PTBP3: variants seen among roughly 807,000 people sequenced by gnomAD.
The protein encoded by PTBP3 is polypyrimidine tract-binding protein 3.
PTBP3 carries 20 observed loss-of-function variants against 58.7 expected under a neutral mutation model. That is an observed-to-expected ratio of 0.34 (90% confidence interval 0.24 to 0.50). The LOEUF (loss-of-function observed/expected upper bound fraction) is 0.50. Ranked by LOEUF, PTBP3 falls within the 20% of genes least tolerant of loss-of-function variation. PTBP3 has a pLI of 0.98. For missense variants in PTBP3, 509 were observed against 637.2 expected (o/e 0.80, Z 2.17); for synonymous variants, 185 against 219.8 (o/e 0.84, Z 1.40).
the PTBP3 span, among the ~76,000 whole-genome samples, chr9:112,342,573 G>A: frequency 1.3e-5 from 2 of 152,002 alleles, no homozygotes; most frequent in African/African-American, 2.4e-5. Context: ...AAAAGTAGTC[G>A]AGCATGGTGG....
Position 112,290,705 on chromosome 9 carries a change from T to TACACACACACAC in PTBP3, c.34+7126_34+7127insGTGTGTGTGTGT, listed in dbSNP as rs1418787518. 7.3e-3 allele frequency among the ~76,000 whole-genome samples: 529 copies of TACACACACACAC among 72,938 alleles called. 5 individuals carry two copies. The highest frequency in any genetic ancestry group is 0.02 in the African/African-American group (435 of 21,274). The allele number at this position is 72,938 out of a possible 152,430, so 47.9% of individuals were successfully genotyped here. A position where few individuals can be genotyped will look rare whatever the true frequency, so the allele number is the denominator to read the frequency against. On this transcript the variant is annotated intron_variant, in intron 2 of 13. Coordinates refer to ENST00000374257, the MANE Select transcript of PTBP3 (RefSeq NM_001163788.4). Reference sequence around the variant, plus strand: ...AAAAAAAAATATATATATATATATATATACACACACACACACACACACACA... The same window carrying TACACACACACAC: ...AAAAAAAAATATATATATATATATATACACACACACACATACACACACACACACACACACACA...
chr9:112,232,686 G>A (rs535252189), intron 8 of PTBP3, among the ~76,000 whole-genome samples: 3 of 152,244 alleles, frequency 2.0e-5, no homozygotes, highest in African/African-American at 7.2e-5. Context: ...AGTGCTATAT[G>A]ACATTTTATA....
intron 1 of PTBP3, among the ~76,000 whole-genome samples, chr9:112,321,133 C>T (rs556610135): frequency 6.6e-6 from 1 of 152,186 alleles, no homozygotes; most frequent in South Asian, 2.1e-4. Flanking sequence ...CTTATATTCA[C>T]AATATATAAA....
chr9:112,271,884 T>C (rs1827400930), intron 3 of PTBP3, among the ~76,000 whole-genome samples: 1 of 152,216 alleles, frequency 6.6e-6, no homozygotes, highest in South Asian at 2.1e-4. Context: ...ATTTAAGTCA[T>C]TCAAGTGATT....
intron 9 of PTBP3, among the ~76,000 whole-genome samples, 177 bp downstream of exon 9, chr9:112,231,907 AAGAAAAGAAGAGAAG>A (rs1344937725): frequency 5.3e-4 from 69 of 129,938 alleles, no homozygotes; most frequent in African/African-American, 2.0e-3. Flanking sequence ...CCTTTCTGAA[AAGAAAAGAAGAGAAG>A]AGAAGAGAAG....
At position 112,253,811 on chromosome 9, in the gene PTBP3, C is replaced by A. The variant is rs564614092; in HGVS notation, c.517-1023G>T. The stretch of plus-strand genomic sequence containing the variant: ...AAGGTCCTGGCTTCCCCTTCGCCTT[C>A]TGCCATGACTGTAAGTTTCCTGAAG... On this transcript the variant is annotated intron_variant, in intron 5 of 13. Coordinates refer to ENST00000374257, the MANE Select transcript of PTBP3 (RefSeq NM_001163788.4). Among the ~76,000 whole-genome samples, 6 of 152,286 alleles carry A rather than the reference C, an allele frequency of 3.9e-5. No individual in the cohort carries two copies. The South Asian group carries it at 1.0e-3, about 26-fold the overall frequency.
chr9:112,335,936 C>T (rs544329123), upstream of PTBP3, among the ~76,000 whole-genome samples: 6 of 150,030 alleles, frequency 4.0e-5, no homozygotes, highest in Admixed American at 1.3e-4. Flanking sequence ...TGCAGTGGCA[C>T]AATCTCGGCT....
intron 1 of PTBP3, among the ~76,000 whole-genome samples, chr9:112,306,498 T>C (rs1192742110): frequency 6.0e-5 from 9 of 151,256 alleles, no homozygotes; most frequent in African/African-American, 1.5e-4. Context: ...TGAATTACCA[T>C]TGGACTTCCA....
chr9:112,377,438 C>T, the PTBP3 span, among the ~76,000 whole-genome samples: 5 of 152,194 alleles, frequency 3.3e-5, no homozygotes, highest in African/African-American at 1.2e-4. Context: ...AGGGAAGCCA[C>T]CTACAATGCA....
chr9:112,324,664 A>ATT (rs1830089678), intron 1 of PTBP3, among the ~76,000 whole-genome samples: 1 of 130,900 alleles, frequency 7.6e-6, no homozygotes, highest in Non-Finnish European at 1.7e-5. Context: ...TTTTTTTTAA[A>ATT]AAAAAACAAC....
intron 4 of PTBP3, among the ~76,000 whole-genome samples, chr9:112,267,040 A>G (rs1836827621): frequency 6.6e-6 from 1 of 152,244 alleles, no homozygotes; most frequent in Non-Finnish European, 1.5e-5. Context: ...GTGGAAAACA[A>G]ATCTCACCAG....
the PTBP3 span, among the ~76,000 whole-genome samples, chr9:112,349,447 C>T: frequency 6.6e-6 from 1 of 152,090 alleles, no homozygotes; most frequent in African/African-American, 2.4e-5. Flanking sequence ...CACAGGAACC[C>T]CCCAATTATT....
At chr9:112,350,623 C>G in the PTBP3 span, among the ~76,000 whole-genome samples, 3 of 152,016 alleles carry the variant, frequency 2.0e-5, no homozygotes, top group Non-Finnish European at 4.4e-5. Context: ...GAACCAGAAC[C>G]AGAAAAGAAA....
the PTBP3 span, among the ~76,000 whole-genome samples, chr9:112,345,886 G>T: frequency 1.3e-5 from 2 of 150,444 alleles, no homozygotes; most frequent in Non-Finnish European, 3.0e-5. Context: ...ACAGAGTCTC[G>T]CTCTGTTGCC....
At chr9:112,331,923 T>C (rs1267380491) in intron 1 of PTBP3, among the ~76,000 whole-genome samples, 1 of 152,242 alleles carries the variant, frequency 6.6e-6, no homozygotes, top group Non-Finnish European at 1.5e-5. Flanking sequence ...AATAGCCTGC[T>C]TCCATTATTT....
chr9:112,320,291 A>ATATATATATATATATAT (rs1554805667), intron 1 of PTBP3, among the ~76,000 whole-genome samples: 1 of 73,532 alleles, frequency 1.4e-5, no homozygotes, highest in African/African-American at 9.0e-5. Context: ...AAAAAAAAAA[A>ATATATATATATATATAT]ATATATATAT....
chr9:112,346,754 A>T, the PTBP3 span, among the ~76,000 whole-genome samples: 3 of 152,074 alleles, frequency 2.0e-5, no homozygotes, highest in Non-Finnish European at 2.9e-5. Context: ...CCTGAGACAG[A>T]GTCTCTTGAT....
rs1827947745 is a variant in PTBP3 at position 112,283,069 on chromosome 9, G to GCCT, written c.35-7059_35-7057dup. On this transcript the variant is annotated intron_variant, in intron 2 of 13. Coordinates refer to ENST00000374257, the MANE Select transcript of PTBP3 (RefSeq NM_001163788.4). ...CTGCCATGATTGTAAATTTCCTGAGGCCTCGCCTGCCATGTGAAACTATGA... is the reference window on the plus strand; with the variant it reads ...CTGCCATGATTGTAAATTTCCTGAGGCCTCCTCGCCTGCCATGTGAAACTATGA... Among the ~76,000 whole-genome samples, 3 of 152,134 alleles carry GCCT rather than the reference G, an allele frequency of 2.0e-5. No individual in the cohort carries two copies. The South Asian group carries it at 6.2e-4, about 31-fold the overall frequency.
At chr9:112,373,357 C>T in the PTBP3 span, among the ~76,000 whole-genome samples, 3 of 152,158 alleles carry the variant, frequency 2.0e-5, no homozygotes, top group Non-Finnish European at 4.4e-5. Context: ...AAGATGTAGG[C>T]TAGGAGGCTA....
Sources: allele counts gnomAD v4.1 joint callset (sites outside exome capture counted in the v4.1 genomes callset), GRCh38; gene constraint gnomAD v4.1.1; transcripts MANE v1.5; gene names NCBI Gene and HGNC (gene_info 2026-07-23, HGNC 2026-07-21).